The following LMNB1 variants were observed in gnomAD, a reference collection of about 807,000 sequenced individuals.
The protein encoded by LMNB1 is lamin-B1.
LMNB1 carries 23 observed loss-of-function variants against 67.1 expected under a neutral mutation model. That is an observed-to-expected ratio of 0.34 (90% CI 0.25 to 0.49). LMNB1 has a LOEUF of 0.49. LMNB1 is among the 20% of genes least tolerant of loss of function. The pLI, the probability that LMNB1 is intolerant of heterozygous loss-of-function variation, is 0.99. For synonymous variants in LMNB1, 281 were observed against 282.9 expected (o/e 0.99, Z 0.07); for missense variants, 634 against 746.5 (o/e 0.85, Z 1.76).
rs1486100088 is a variant in LMNB1 at position 126,777,625 on chromosome 5, C to CAA, written c.118_119dup (p.Asn40LysfsTer26). On this transcript the variant is annotated frameshift_variant, in exon 1 of 11. Transcript: ENST00000261366. LOFTEE classifies it high-confidence loss of function. ...AGGAGAAGGAGGAGCTGCGCGAGCT[C>CAA]AATGACCGGCTGGCGGTGTACATCG... 6.5e-7 allele frequency: 1 copy of CAA among 1,542,056 alleles called. No homozygotes were observed.
intron 1 of LMNB1, among the ~76,000 whole-genome samples, chr5:126,786,470 C>G (rs1036767652): frequency 6.6e-6 from 1 of 152,176 alleles, no homozygotes; most frequent in African/African-American, 2.4e-5. Flanking sequence ...AAGGAAACTT[C>G]AGGCTCAGAG....
intron 7 of LMNB1, among the ~76,000 whole-genome samples, chr5:126,821,997 A>G (rs1202147980): frequency 6.7e-6 from 1 of 149,018 alleles, no homozygotes; most frequent in Non-Finnish European, 1.5e-5. Flanking sequence ...AATAGGCTCT[A>G]AGGTCTCTTT....
chr5:126,799,104 GC>G (rs1751194635), intron 1 of LMNB1, among the ~76,000 whole-genome samples: 1 of 148,624 alleles, frequency 6.7e-6, no homozygotes, highest in Non-Finnish European at 1.5e-5. Context: ...TGCAGGCTCC[GC>G]CCCCTGGGGT....
intron 5 of LMNB1, among the ~76,000 whole-genome samples, chr5:126,816,057 C>T (rs1054625121): frequency 1.3e-5 from 2 of 151,720 alleles, no homozygotes; most frequent in Admixed American, 1.3e-4. Context: ...TCTTCTACCT[C>T]TGATATATGA....
chr5:126,836,623 T>G lies in LMNB1; in HGVS notation c.*359T>G, dbSNP rs558827827. The G allele has an allele frequency of 2.8e-6, 1 of 359,822 alleles. No individual in the cohort carries two copies. Among genetic ancestry groups the G allele is most frequent in the South Asian group, 1.4e-4 (1 of 6,986 alleles). The allele number at this position is 359,822 out of a possible 1,614,324, so 22.3% of individuals were successfully genotyped here. On this transcript the variant is annotated 3_prime_UTR_variant, in exon 11 of 11. Transcript: ENST00000261366. ...GTGCGTCTTGGTGTAATTTGAAGAT[T>G]GCCCCATCTAGACTAGCAATCTCTT...
chr5:126,804,358 G>GTT (rs3048531), intron 1 of LMNB1, among the ~76,000 whole-genome samples: 29,929 of 150,360 alleles, frequency 0.2, 3,041 homozygotes, highest in East Asian at 0.28. Context: ...GATTACAGAC[G>GTT]TAAGCCACTG....
chr5:126,822,539 C>G (rs1170696007), intron 7 of LMNB1, among the ~76,000 whole-genome samples: 2 of 152,192 alleles, frequency 1.3e-5, no homozygotes, highest in Non-Finnish European at 2.9e-5. Flanking sequence ...TGGTTCATAC[C>G]CTGTTCTTCC....
At chr5:126,784,303 A>G (rs1033578949) in intron 1 of LMNB1, among the ~76,000 whole-genome samples, 1 of 151,814 alleles carries the variant, frequency 6.6e-6, no homozygotes, top group African/African-American at 2.4e-5. Context: ...TGCGGGGATT[A>G]CAGGCGTGAG....
chr5:126,796,786 C>CTTTTTTTTTTTTTTTTTTTTTTTTT (rs34534973), intron 1 of LMNB1, among the ~76,000 whole-genome samples: 1 of 118,748 alleles, frequency 8.4e-6, no homozygotes, highest in Non-Finnish European at 1.7e-5. Flanking sequence ...TTTTTTCTTT[C>CTTTTTTTTTTTTTTTTTTTTTTTTT]TTTTTTTTTT....
chr5:126,834,770 G>T (rs182193503), intron 10 of LMNB1, among the ~76,000 whole-genome samples: 2 of 152,262 alleles, frequency 1.3e-5, no homozygotes, highest in Admixed American at 1.3e-4. Flanking sequence ...CAGCTACTCG[G>T]GAGGCTGAGG....
At chr5:126,778,011 G>A in intron 1 of LMNB1, 144 bp downstream of exon 1, 2 of 735,756 alleles carry the variant, frequency 2.7e-6, no homozygotes, top group Non-Finnish European at 4.0e-6. Context: ...TCGGTCTCCG[G>A]AAAGGAGAAA....
At chr5:126,819,368 C>T (rs1198593755) in intron 6 of LMNB1, 1 of 382,390 alleles carries the variant, frequency 2.6e-6, no homozygotes, top group Non-Finnish European at 4.7e-6. Flanking sequence ...TGCTGAACTG[C>T]ATCAGGATGG....
intron 4 of LMNB1, among the ~76,000 whole-genome samples, chr5:126,811,162 C>A (rs1377916521): frequency 6.6e-6 from 1 of 152,168 alleles, no homozygotes; most frequent in Admixed American, 6.6e-5. Flanking sequence ...TAATATCACA[C>A]ATTGAGCTAT....
chr5:126,827,586 G>A (rs1001030025), intron 9 of LMNB1, among the ~76,000 whole-genome samples: 1 of 152,162 alleles, frequency 6.6e-6, no homozygotes, highest in African/African-American at 2.4e-5. Flanking sequence ...GCTTGAACTC[G>A]GGATGAGCTG....
Position 126,818,952 on chromosome 5 carries a change from T to G in LMNB1, c.970T>G (p.Leu324Val), listed in dbSNP as rs760702935. The G allele has an allele frequency of 1.2e-6, 2 of 1,614,062 alleles. No individual in the cohort carries two copies. Among genetic ancestry groups the G allele is most frequent in the East Asian group, 4.5e-5 (2 of 44,868 alleles). The change falls in exon 6 of 11, where the codon TTA becomes GTA. Residue 324 changes from leucine (L) to valine (V), a missense_variant. Leu to Val is a conservative substitution (Grantham distance 32). Transcript: ENST00000261366. ...SRACLERIQE[L>V]EDLLAKEKDN... ...AGCATGTTTGGAAAGGATTCAAGAA[T>G]TAGAGGACTTGCTTGCTAAAGAAAA... is the stretch of plus-strand genomic sequence containing the variant.
At chr5:126,822,945 A>G (rs1751906208) in intron 8 of LMNB1, 60 bp downstream of exon 8, 1 of 1,159,770 alleles carries the variant, frequency 8.6e-7, no homozygotes, top group African/African-American at 1.6e-5. Context: ...AAAGTAACTC[A>G]AAAAGTTTTT....
At position 126,802,343 on chromosome 5, in the gene LMNB1, G is replaced by C. The variant is rs1446423990; in HGVS notation, c.360-2433G>C. Among the ~76,000 whole-genome samples, 4 of 152,118 alleles carry C rather than the reference G, an allele frequency of 2.6e-5. No individual in the cohort carries two copies. In the East Asian group the frequency reaches 7.7e-4, roughly 29 times the overall value. ...TCCTTTAGCCAGTCCTCAAACATCA[G>C]TAAGTAAAAGTACTCTTTTACTTTT... On this transcript the variant is annotated intron_variant, in intron 1 of 10. Transcript: ENST00000261366.
chr5:126,835,836 C>T (rs1752235569), intron 10 of LMNB1, among the ~76,000 whole-genome samples: 1 of 152,132 alleles, frequency 6.6e-6, no homozygotes, highest in Non-Finnish European at 1.5e-5. Flanking sequence ...CCTGTAATCC[C>T]AGCACTTTGG....
At chr5:126,792,568 T>A (rs1045593037) in intron 1 of LMNB1, among the ~76,000 whole-genome samples, 3 of 83,392 alleles carry the variant, frequency 3.6e-5, no homozygotes, top group African/African-American at 1.0e-4. Context: ...GCACTAGGGA[T>A]TTTTTTTTTT....
Sources: allele counts gnomAD v4.1 joint callset (sites outside exome capture counted in the v4.1 genomes callset), GRCh38; gene constraint gnomAD v4.1.1; transcripts MANE v1.5; gene names NCBI Gene and HGNC (gene_info 2026-07-23, HGNC 2026-07-21).